Variants in ANGPTL4 observed in about 807,000 individuals in gnomAD.
The protein encoded by ANGPTL4 is angiopoietin-related protein 4.
ANGPTL4 carries 39 observed loss-of-function variants against 39.2 expected under a neutral mutation model. The ratio of observed to expected loss-of-function variants is 1.00; its 90% CI spans 0.77 to 1.30. The LOEUF (loss-of-function observed/expected upper bound fraction) is 1.30. Ranked by LOEUF, ANGPTL4 falls within the 50% of genes most tolerant of loss-of-function variation. The pLI is 0.00. For synonymous variants in ANGPTL4, 233 were observed against 229.5 expected, an observed-to-expected ratio of 1.02 and a Z score of -0.14; for missense variants, 545 against 549.8, an observed-to-expected ratio of 0.99 and a Z score of 0.09.
rs369127747 is a variant in ANGPTL4, at chr19:8,371,306, G to A, written c.823G>A (p.Val275Met). 2.2e-5 allele frequency: 35 copies of A among 1,613,864 alleles called. No individual in the cohort carries two copies. Among genetic ancestry groups the A allele is most frequent in the East Asian group, 2.0e-4 (9 of 44,876 alleles). Residue 275 changes from valine (V) to methionine (M), a missense_variant, in exon 6 of 7, where the codon GTG (valine) becomes ATG (methionine). Val to Met is a conservative substitution (Grantham distance 21). Transcript: ENST00000301455. This position sits in a 1 kb window ranked among gnomAD's most constrained non-coding sequence, Gnocchi z 5.1. The stretch of plus-strand genomic sequence containing the variant: ...GGGGGACCGCAACAGCCGCCTGGCC[G>A]TGCAGCTGCGGGACTGGGATGGCAA... ...ITGDRNSRLAVQLRDWDGNAE... is the reference protein window; with the variant it reads ...ITGDRNSRLAMQLRDWDGNAE...
At chr19:8,368,136 T>C (rs1466138628) in intron 3 of ANGPTL4, among the ~76,000 whole-genome samples, 1 of 151,200 alleles carries the variant, frequency 6.6e-6, no homozygotes, top group Non-Finnish European at 1.5e-5. Context: ...CTCCTGCCTC[T>C]GCCTCCTAAG....
At position 8,373,906 on chromosome 19, in the gene ANGPTL4, C is replaced by T. The variant is rs1423136999; in HGVS notation, c.*20C>T. 3 of 1,608,828 alleles carry T rather than the reference C, an allele frequency of 1.9e-6. No individual in the cohort carries two copies. Among genetic ancestry groups the T allele is most frequent in the African/African-American group, 1.3e-5 (1 of 74,822 alleles). Reference sequence around the variant, plus strand: ...TCCTAGCGTCCTGGCTGGGCCTGGTCCCAGGCCCACGAAAGACGGTGACTC... The same window carrying T: ...TCCTAGCGTCCTGGCTGGGCCTGGTTCCAGGCCCACGAAAGACGGTGACTC... On this transcript the variant is annotated 3_prime_UTR_variant, in exon 7 of 7. Coordinates refer to ENST00000301455, the MANE Select transcript of ANGPTL4 (RefSeq NM_139314.3).
chr19:8,368,308 A>T (rs1971047538), intron 3 of ANGPTL4, among the ~76,000 whole-genome samples: 1 of 151,854 alleles, frequency 6.6e-6, no homozygotes, highest in African/African-American at 2.4e-5. Context: ...CGCCCGGCCC[A>T]TTCCTCAAGT....
At position 8,366,312 on chromosome 19, in the gene ANGPTL4, C is replaced by T. The variant is rs1027811244; in HGVS notation, c.540C>T (p.Arg180=). The change falls in exon 3 of 7, where the codon CGC becomes CGT. Residue 180 remains arginine (R), a synonymous_variant. Coordinates refer to ENST00000301455, the MANE Select transcript of ANGPTL4 (RefSeq NM_139314.3). ...TTGACCCGGCTCACAATGTCAGCCG[C>T]CTGCACCGTGAGTGTCTGCCCCTCG... ...QPVDPAHNVS[R]LHRLPRDCQE... 1 of 1,613,656 alleles carries T rather than the reference C, an allele frequency of 6.2e-7. No homozygotes were observed. The highest frequency in any genetic ancestry group is 1.3e-5 in the African/African-American group (1 of 75,022).
chr19:8,373,007 A>T (rs977692969), intron 6 of ANGPTL4, among the ~76,000 whole-genome samples: 1 of 151,988 alleles, frequency 6.6e-6, no homozygotes, highest in Non-Finnish European at 1.5e-5. Flanking sequence ...GGGGGCTCAC[A>T]CCTGTAATCC....
rs1159690586 is a variant in ANGPTL4, at chr19:8,371,127, A to G, written c.733A>G (p.Lys245Glu). The G allele has an allele frequency of 1.2e-6, 2 of 1,613,150 alleles. No individual in the cohort carries two copies. Among genetic ancestry groups the G allele is most frequent in the Admixed American group, 3.3e-5 (2 of 59,814 alleles). ...CTTCAACCGGCCCTGGGAAGCCTAC[A>G]AGGCGGGGTTTGGGGATCCCCACGG... is the stretch of plus-strand genomic sequence containing the variant. ...VDFNRPWEAY[K>E]AGFGDPHGEF... The change falls in exon 5 of 7, where the codon AAG becomes GAG. Residue 245 changes from lysine (K) to glutamate (E), a missense_variant. Transcript: ENST00000301455. The surrounding 1 kb of genome is among the most constrained non-coding windows in gnomAD (Gnocchi z 5.1).
chr19:8,374,140 TCCTTGCTGGCCA>T lies in ANGPTL4; in HGVS notation c.*255_*266del. The T allele has an allele frequency of 2.0e-6, 1 of 494,984 alleles. No individual in the cohort carries two copies. Among genetic ancestry groups the T allele is most frequent in the Non-Finnish European group, 3.7e-6 (1 of 271,006 alleles). The allele number at this position is 494,984 out of a possible 1,614,324, so 30.7% of individuals were successfully genotyped here. A position where few individuals can be genotyped will look rare whatever the true frequency, so the allele number is the denominator to read the frequency against. On this transcript the variant is annotated 3_prime_UTR_variant, in exon 7 of 7. Transcript: ENST00000301455. ...TGGACCAAGGGGCATGGAGCTTCAC[TCCTTGCTGGCCA>T]GGGAGTTGGGGACTCAGAGGGACCA...
Position 8,364,232 on chromosome 19 carries a change from C to T in ANGPTL4, c.-90C>T, listed in dbSNP as rs945497646. 6 of 1,359,768 alleles carry T rather than the reference C, an allele frequency of 4.4e-6. No homozygotes were observed. The Admixed American group carries it at 8.9e-5, about 20-fold the overall frequency. 84.2% of individuals were successfully genotyped at this position (1,359,768 alleles called of 1,614,324 possible). A position where few individuals can be genotyped will look rare whatever the true frequency, so the allele number is the denominator to read the frequency against. ...GGCTTCTGCAACCAAGCGGGTCTTA[C>T]CCCCGGTCCTCCGCGTCTCCAGTCC... On this transcript the variant is annotated 5_prime_UTR_variant, in exon 1 of 7. Transcript: ENST00000301455.
Position 8,366,200 on chromosome 19 carries a change from AG to A in ANGPTL4, c.430-1del. ...TGACACCCTCCTCCCGTCCCATCCTAGTTTGGCCTCCTGGACCACAAGCACC... is the reference window on the plus strand; with the variant it reads ...TGACACCCTCCTCCCGTCCCATCCTATTTGGCCTCCTGGACCACAAGCACC... On this transcript the variant is annotated splice_acceptor_variant, in intron 2 of 6. Coordinates refer to ENST00000301455, the MANE Select transcript of ANGPTL4 (RefSeq NM_139314.3). LOFTEE classifies it high-confidence loss of function. The A allele has an allele frequency of 6.2e-7, 1 of 1,613,998 alleles. No individual in the cohort carries two copies.
At chr19:8,365,715 G>T (rs1392965253) in intron 1 of ANGPTL4, among the ~76,000 whole-genome samples, 1 of 151,926 alleles carries the variant, frequency 6.6e-6, no homozygotes, top group Non-Finnish European at 1.5e-5. Context: ...TACACAGGAG[G>T]CTGAAAACAG....
Position 8,370,974 on chromosome 19 carries a change from G to A in ANGPTL4, c.662-82G>A. ...TGCTGTCTTCCTGGGTTTGGAGGGG[G>A]TTTGGTGCTTGGCAGCCAGATGAGG... On this transcript the variant is annotated intron_variant, in intron 4 of 6. Transcript: ENST00000301455. The A allele has an allele frequency of 2.0e-6, 3 of 1,477,192 alleles. No homozygotes were observed. The South Asian group carries it at 3.6e-5, about 18-fold the overall frequency. The allele number at this position is 1,477,192 out of a possible 1,614,324, so 91.5% of individuals were successfully genotyped here.
At chr19:8,372,621 T>G (rs1000235949) in intron 6 of ANGPTL4, among the ~76,000 whole-genome samples, 1 of 151,204 alleles carries the variant, frequency 6.6e-6, no homozygotes, top group African/African-American at 2.4e-5. Context: ...GGCGAAATCC[T>G]GTCTCAATTA....
At position 8,370,031 on chromosome 19, in the gene ANGPTL4, C is replaced by T. The variant is rs893791569; in HGVS notation, c.661+699C>T. On this transcript the variant is annotated intron_variant, in intron 4 of 6. Transcript: ENST00000301455. ...CAGCCTGACCAACATGGTGAAACCC[C>T]GTCTCTACTAAAAATACAAAAATTA... 7.5e-4 allele frequency among the ~76,000 whole-genome samples: 113 copies of T among 151,348 alleles called. 1 individual carries two copies. The highest frequency in any genetic ancestry group is 8.0e-4 in the Non-Finnish European group (54 of 67,836).
chr19:8,366,321 T>C lies in ANGPTL4; in HGVS notation c.547+2T>C, dbSNP rs1191587504. 1 of 1,613,148 alleles carries C rather than the reference T, an allele frequency of 6.2e-7. No homozygotes were observed. The highest frequency in any genetic ancestry group is 1.1e-5 in the South Asian group (1 of 91,044). On this transcript the variant is annotated splice_donor_variant, in intron 3 of 6. Coordinates refer to ENST00000301455, the MANE Select transcript of ANGPTL4 (RefSeq NM_139314.3). LOFTEE classifies it high-confidence loss of function. ...CTCACAATGTCAGCCGCCTGCACCG[T>C]GAGTGTCTGCCCCTCGATGCTCTCC...
At position 8,371,089 on chromosome 19, in the gene ANGPTL4, A is replaced by G; in HGVS notation, c.695A>G (p.Asp232Gly). Residue 232 changes from aspartate to glycine, a missense_variant, in exon 5 of 7, where the codon GAT becomes GGT. Physicochemically the swap from Asp to Gly is moderately conservative, Grantham distance 94. Transcript: ENST00000301455. This position sits in a 1 kb window ranked among gnomAD's most constrained non-coding sequence, Gnocchi z 5.1. ...GGWTVIQRRHDGSVDFNRPWE... is the reference protein window; with the variant it reads ...GGWTVIQRRHGGSVDFNRPWE... ...TGGACAGTAATTCAGAGGCGCCACG[A>G]TGGCTCAGTGGACTTCAACCGGCCC... 3.1e-6 allele frequency: 5 copies of G among 1,608,560 alleles called. No individual in the cohort carries two copies. Among genetic ancestry groups the G allele is most frequent in the South Asian group, 1.1e-5 (1 of 90,194 alleles).
chr19:8,373,556 G>A, intron 6 of ANGPTL4, 149 bp from the exon 7 acceptor site: 2 of 985,986 alleles, frequency 2.0e-6, no homozygotes, highest in Non-Finnish European at 3.1e-6. Flanking sequence ...GGGTGACAGA[G>A]TAAGACTCAA....
chr19:8,364,725 G>T (rs1970965546), intron 1 of ANGPTL4, 86 bp downstream of exon 1: 1 of 1,500,288 alleles, frequency 6.7e-7, no homozygotes, highest in Non-Finnish European at 9.1e-7. Flanking sequence ...CGTGGGGGCG[G>T]GGTGCGCAAC....
At chr19:8,370,417 TAA>T (rs58110091) in intron 4 of ANGPTL4, among the ~76,000 whole-genome samples, 1 of 149,576 alleles carries the variant, frequency 6.7e-6, no homozygotes, top group Non-Finnish European at 1.5e-5. Context: ...ACCTCGTTTC[TAA>T]AAAAAAACAA....
Position 8,368,234 on chromosome 19 carries a change from G to A in ANGPTL4, c.548-985G>A, listed in dbSNP as rs1005775406. 2.8e-4 allele frequency among the ~76,000 whole-genome samples: 43 copies of A among 152,040 alleles called. 1 individual carries two copies. Among genetic ancestry groups the A allele is most frequent in the African/African-American group, 9.9e-4 (41 of 41,418 alleles). On this transcript the variant is annotated intron_variant, in intron 3 of 6. Coordinates refer to ENST00000301455, the MANE Select transcript of ANGPTL4 (RefSeq NM_139314.3). The stretch of plus-strand genomic sequence containing the variant: ...GGGGTTTGGCCATGTTGACCAGGCT[G>A]GTCTCAAACTCCTGACCGATCCGCC...
Sources: gnomAD v4.1 joint callset for allele counts (sites outside exome capture counted in the v4.1 genomes callset) on GRCh38, gnomAD v4.1.1 for gene constraint, Gnocchi (gnomAD v3.1) non-coding constraint, MANE v1.5 for transcripts, NCBI Gene and HGNC (gene_info 2026-07-23, HGNC 2026-07-21) for gene names.